PSME4: variants seen among roughly 807,000 people sequenced by gnomAD.
PSME4 encodes the protein proteasome activator subunit 4.
PSME4 carries 89 observed loss-of-function variants against 253.9 expected under a neutral mutation model. That is an observed-to-expected ratio of 0.35 (90% CI 0.30 to 0.42). The LOEUF is 0.42. Among genes scored for constraint, PSME4 ranks in the 10% least tolerant of loss-of-function variants. The pLI is 1.00. For synonymous variants in PSME4, 851 were observed against 759.2 expected (o/e 1.12, Z -1.99); for missense variants, 2,014 against 2,195.2 (o/e 0.92, Z 1.65).
At chr2:53,943,257 C>T (rs1454386826) in intron 3 of PSME4, among the ~76,000 whole-genome samples, 1 of 152,194 alleles carries the variant, frequency 6.6e-6, no homozygotes, top group African/African-American at 2.4e-5. Context: ...CTGGTTTTAA[C>T]TGTAATGATG....
rs191885136 is a variant in PSME4 at position 53,917,609 on chromosome 2, C to T, written c.2516+1542G>A. On this transcript the variant is annotated intron_variant, in intron 20 of 46. Transcript: ENST00000404125. The stretch of plus-strand genomic sequence containing the variant: ...AATTTACTAACATTAAAAATACATG[C>T]TTTTGCTCTTAGATAAATTATTGGA... 4.2e-3 allele frequency among the ~76,000 whole-genome samples: 646 copies of T among 152,224 alleles called. 7 individuals carry two copies. Among genetic ancestry groups the T allele is most frequent in the African/African-American group, 0.015 (619 of 41,544 alleles).
rs771633072 is a variant in PSME4, at chr2:53,887,511, T to C, written c.4521-44A>G. 11 of 1,513,924 alleles carry C rather than the reference T, an allele frequency of 7.3e-6. No homozygotes were observed. The Admixed American group carries it at 2.0e-4, about 28-fold the overall frequency. 93.8% of individuals were successfully genotyped at this position (1,513,924 alleles called of 1,614,324 possible). A position where few individuals can be genotyped will look rare whatever the true frequency, so the allele number is the denominator to read the frequency against. On this transcript the variant is annotated intron_variant, in intron 39 of 46. Coordinates refer to ENST00000404125, the MANE Select transcript of PSME4 (RefSeq NM_014614.3). ...AATAATAGGAAGAGGTGCCACATTA[T>C]AAATAAAAATGAGGTTCAAAAGTTA...
intron 1 of PSME4, among the ~76,000 whole-genome samples, chr2:53,965,086 AACACACACACACACAGACAC>A (rs1250732565): frequency 2.0e-5 from 3 of 151,336 alleles, no homozygotes; most frequent in Non-Finnish European, 3.0e-5. Flanking sequence ...ATTCTGTTTA[AACACACACACACACAGACAC>A]ACACACACAC....
intron 6 of PSME4, 81 bp from the exon 7 acceptor site, chr2:53,936,242 TTC>T: frequency 1.9e-6 from 3 of 1,571,148 alleles, no homozygotes; most frequent in Non-Finnish European, 2.6e-6. Flanking sequence ...CCTCCATTTG[TTC>T]TTTTTGGCAA....
At chr2:53,948,592 T>C (rs1669832126) in intron 2 of PSME4, 55 bp from the exon 3 acceptor site, 1 of 1,093,466 alleles carries the variant, frequency 9.1e-7, no homozygotes, top group South Asian at 1.3e-5. Flanking sequence ...CAGATGTGTG[T>C]ATACCACAAA....
rs565736495 is a variant in PSME4, at chr2:53,936,590, A to G, written c.759+174T>C. Among the ~76,000 whole-genome samples, 445 of 152,184 alleles carry G rather than the reference A, an allele frequency of 2.9e-3. 2 individuals are homozygous for G. The highest frequency in any genetic ancestry group is 4.6e-3 in the Admixed American group (70 of 15,280). On this transcript the variant is annotated intron_variant, in intron 6 of 46. Transcript: ENST00000404125. ...GCATACTTTTGTTAGAATACAACAA[A>G]TAATATAAAATTGAAAAGAAACTGA...
At chr2:53,920,750 T>A in intron 18 of PSME4, 139 bp downstream of exon 18, 1 of 766,652 alleles carries the variant, frequency 1.3e-6, no homozygotes, top group South Asian at 1.7e-5. Flanking sequence ...ACAGCACAAG[T>A]TTCACATATT....
chr2:53,913,753 T>C (rs968948528), intron 20 of PSME4, among the ~76,000 whole-genome samples: 2 of 152,240 alleles, frequency 1.3e-5, no homozygotes, highest in African/African-American at 2.4e-5. Context: ...ATCTTATATG[T>C]TGCTAGATTT....
At chr2:53,913,292 G>A (rs752907365) in intron 20 of PSME4, among the ~76,000 whole-genome samples, 2 of 152,016 alleles carry the variant, frequency 1.3e-5, no homozygotes, top group Non-Finnish European at 2.9e-5. Context: ...TATAGTATTC[G>A]TACCACTAGA....
chr2:53,955,155 A>C (rs1399276455), intron 1 of PSME4, among the ~76,000 whole-genome samples: 1 of 152,176 alleles, frequency 6.6e-6, no homozygotes, highest in Non-Finnish European at 1.5e-5. Flanking sequence ...TGGGTAACAG[A>C]GCAAGACCCT....
At chr2:53,900,040 G>GA (rs556256597) in intron 28 of PSME4, 23 bp from the exon 29 acceptor site, 192 of 1,597,742 alleles carry the variant, frequency 1.2e-4, no homozygotes, top group Non-Finnish European at 1.5e-4. Flanking sequence ...AAAAAAGCAG[G>GA]AAAAAAAATG....
rs905233942 is a variant in PSME4, at chr2:53,865,024, C to T, written c.*554G>A. ...ACAGACACAGACTTCACTTCTGTGTCTTGGTCGAGCAATCCATCAGGTCAT... is the reference window on the plus strand; with the variant it reads ...ACAGACACAGACTTCACTTCTGTGTTTTGGTCGAGCAATCCATCAGGTCAT... On this transcript the variant is annotated 3_prime_UTR_variant, in exon 47 of 47. Transcript: ENST00000404125. 1 of 152,598 alleles carries T rather than the reference C, an allele frequency of 6.6e-6. No individual in the cohort carries two copies. The highest frequency in any genetic ancestry group is 1.5e-5 in the Non-Finnish European group (1 of 68,040). 9.5% of individuals were successfully genotyped at this position (152,598 alleles called of 1,614,324 possible).
At chr2:53,964,414 A>C (rs1393792203) in intron 1 of PSME4, among the ~76,000 whole-genome samples, 1 of 152,248 alleles carries the variant, frequency 6.6e-6, no homozygotes, top group Non-Finnish European at 1.5e-5. Context: ...CATGTTCTCC[A>C]AAATCAGTTC....
chr2:53,869,624 G>A, intron 43 of PSME4, 86 bp from the exon 44 acceptor site: 1 of 1,116,402 alleles, frequency 9.0e-7, no homozygotes, highest in Non-Finnish European at 1.2e-6. Flanking sequence ...GAACTGGGGT[G>A]AAGACCTTCC....
intron 5 of PSME4, among the ~76,000 whole-genome samples, chr2:53,937,190 C>T (rs1669165271): frequency 6.6e-6 from 1 of 151,982 alleles, no homozygotes; most frequent in Admixed American, 6.6e-5. Context: ...TTCTTAAAGC[C>T]CTCATCTTAT....
chr2:53,923,681 G>C (rs892869171), intron 14 of PSME4, among the ~76,000 whole-genome samples: 27 of 152,044 alleles, frequency 1.8e-4, no homozygotes, highest in African/African-American at 4.8e-5. Context: ...TTAGCACTTT[G>C]GGAGGCTGAG....
chr2:53,880,430 TA>T lies in PSME4; in HGVS notation c.4816-4676del, dbSNP rs890215470. On this transcript the variant is annotated intron_variant, in intron 41 of 46. Transcript: ENST00000404125. ...GACAACATAGCAAGATATCATCTCT[TA>T]AAAAAAAATGCAGATACATCTCTTT... is the stretch of plus-strand genomic sequence containing the variant. Among the ~76,000 whole-genome samples the T allele has an allele frequency of 1.1e-3, 173 of 151,306 alleles. 3 individuals are homozygous for T. The highest frequency in any genetic ancestry group is 4.1e-3 in the African/African-American group (171 of 41,312).
chr2:53,873,746 T>C (rs531531632), intron 43 of PSME4, among the ~76,000 whole-genome samples: 1 of 152,310 alleles, frequency 6.6e-6, no homozygotes, highest in East Asian at 1.9e-4. Flanking sequence ...ATGCACATTC[T>C]CATGAGTTCC....
chr2:53,878,010 T>C (rs549077342), intron 41 of PSME4, among the ~76,000 whole-genome samples: 141 of 152,216 alleles, frequency 9.3e-4, no homozygotes, highest in African/African-American at 3.2e-3. Flanking sequence ...TAAAAGTGAG[T>C]CTCTGAGGAA....
Sources: allele counts gnomAD v4.1 joint callset (sites outside exome capture counted in the v4.1 genomes callset), GRCh38; gene constraint gnomAD v4.1.1; transcripts MANE v1.5; gene names NCBI Gene and HGNC (gene_info 2026-07-23, HGNC 2026-07-21).